The following NUP93 variants were observed in gnomAD, a reference collection of about 807,000 sequenced individuals.
NUP93 encodes nuclear pore complex protein Nup93.
In NUP93, 55 loss-of-function variants were observed where a neutral mutation model predicts 107.8. The observed-to-expected ratio is 0.51, with a 90% CI of 0.41 to 0.64. The LOEUF (loss-of-function observed/expected upper bound fraction) is 0.64. NUP93 is among the 30% of genes least tolerant of loss of function. NUP93 has a pLI of 0.00. For missense variants in NUP93, 937 were observed against 1,044.7 expected (o/e 0.90, Z 1.42); for synonymous variants, 390 against 397.5 (o/e 0.98, Z 0.22).
intron 1 of NUP93, among the ~76,000 whole-genome samples, chr16:56,732,850 A>G (rs1346127864): frequency 3.3e-5 from 5 of 152,244 alleles, no homozygotes; most frequent in Non-Finnish European, 5.9e-5. Context: ...GCCAGACTTA[A>G]TGCTGAGGAC....
chr16:56,774,903 G>GT (rs550311910), intron 3 of NUP93, among the ~76,000 whole-genome samples: 5,931 of 138,230 alleles, frequency 0.043, 149 homozygotes, highest in Admixed American at 0.093. Context: ...TTTTGTTTTT[G>GT]TTTTTTTTTT....
chr16:56,823,661 TC>T, intron 7 of NUP93, 45 bp from the exon 8 acceptor site: 1 of 1,604,224 alleles, frequency 6.2e-7, no homozygotes, highest in African/African-American at 1.3e-5. Context: ...CTAGATAATT[TC>T]TCTGGCCCTG....
chr16:56,849,740 TG>T lies in NUP93; in HGVS notation c.*5132del, dbSNP rs1221988811. ...TCTATGTGGCTGCCCTACCTGGGCT[TG>T]CCTCTGCTGGTACTAGCTGCCCAGA... On this transcript the variant is annotated 3_prime_UTR_variant, in exon 22 of 22. Transcript: ENST00000308159. 1 of 152,258 alleles carries T rather than the reference TG, an allele frequency of 6.6e-6. No individual in the cohort carries two copies. Among genetic ancestry groups the T allele is most frequent in the Non-Finnish European group, 1.5e-5 (1 of 68,052 alleles). 9.4% of individuals were successfully genotyped at this position (152,258 alleles called of 1,614,324 possible). A position where few individuals can be genotyped will look rare whatever the true frequency, so the allele number is the denominator to read the frequency against.
At chr16:56,754,872 TAC>T (rs1322483606) in intron 2 of NUP93, among the ~76,000 whole-genome samples, 1 of 152,240 alleles carries the variant, frequency 6.6e-6, no homozygotes, top group Non-Finnish European at 1.5e-5. Flanking sequence ...GACATTTCTC[TAC>T]ATTCTCTGGT....
At chr16:56,815,203 A>G (rs1198182075) in intron 5 of NUP93, among the ~76,000 whole-genome samples, 1 of 152,192 alleles carries the variant, frequency 6.6e-6, no homozygotes, top group Admixed American at 6.5e-5. Context: ...GTCCTTGCAA[A>G]AATGCTTTAG....
At chr16:56,749,037 A>C (rs1394999307) in intron 2 of NUP93, among the ~76,000 whole-genome samples, 1 of 152,108 alleles carries the variant, frequency 6.6e-6, no homozygotes, top group Non-Finnish European at 1.5e-5. Flanking sequence ...TGACTGACTG[A>C]GCTGGCAGCC....
At chr16:56,790,705 CA>C in intron 3 of NUP93, among the ~76,000 whole-genome samples, 1 of 152,286 alleles carries the variant, frequency 6.6e-6, no homozygotes, top group African/African-American at 2.4e-5. Flanking sequence ...TGAGCTGAAG[CA>C]AAGTAATGGT....
intron 6 of NUP93, 117 bp from the exon 7 acceptor site, chr16:56,821,387 C>T: frequency 1.5e-6 from 1 of 659,930 alleles, no homozygotes; most frequent in Admixed American, 2.3e-5. Context: ...GATGGCTCAG[C>T]CACTCCGAGG....
At chr16:56,772,852 G>A (rs1478046525) in intron 3 of NUP93, among the ~76,000 whole-genome samples, 1 of 152,178 alleles carries the variant, frequency 6.6e-6, no homozygotes, top group Admixed American at 6.5e-5. Context: ...GGTATTGAGG[G>A]CCTGTAAGAG....
chr16:56,748,701 A>C (rs1180673738), intron 2 of NUP93, among the ~76,000 whole-genome samples: 1 of 152,112 alleles, frequency 6.6e-6, no homozygotes, highest in Non-Finnish European at 1.5e-5. Flanking sequence ...GTCATGCTGA[A>C]TCTGGTCACA....
chr16:56,753,103 T>A lies in NUP93; in HGVS notation c.179+4677T>A, dbSNP rs530410232. 7.9e-5 allele frequency among the ~76,000 whole-genome samples: 12 copies of A among 152,330 alleles called. No homozygotes were observed. In the East Asian group the frequency reaches 2.1e-3, roughly 27 times the overall value. ...TAAAACAAAACTCATTGATCGCCTTTGGAGAATACTAGAGAACCAACTCAT... is the reference window on the plus strand; with the variant it reads ...TAAAACAAAACTCATTGATCGCCTTAGGAGAATACTAGAGAACCAACTCAT... On this transcript the variant is annotated intron_variant, in intron 2 of 21. Coordinates refer to ENST00000308159, the MANE Select transcript of NUP93 (RefSeq NM_014669.5).
chr16:56,765,808 T>TG lies in NUP93; in HGVS notation c.297+7154dup, dbSNP rs1198413929. ...TAATGTCTTCACAGAGGCAGGCTAA[T>TG]GTGCCATCCTGTTTCATGTTTATAA... On this transcript the variant is annotated intron_variant, in intron 3 of 21. Coordinates refer to ENST00000308159, the MANE Select transcript of NUP93 (RefSeq NM_014669.5). Among the ~76,000 whole-genome samples, 6 of 152,216 alleles carry TG rather than the reference T, an allele frequency of 3.9e-5. No individual in the cohort carries two copies. The East Asian group carries it at 9.6e-4, about 24-fold the overall frequency.
At chr16:56,771,127 C>T (rs1272998475) in intron 3 of NUP93, among the ~76,000 whole-genome samples, 4 of 152,088 alleles carry the variant, frequency 2.6e-5, no homozygotes. Flanking sequence ...TGACTTTGTC[C>T]TAATTTGGAA....
chr16:56,752,882 A>G (rs1186480414), intron 2 of NUP93, among the ~76,000 whole-genome samples: 3 of 152,198 alleles, frequency 2.0e-5, no homozygotes, highest in African/African-American at 7.2e-5. Context: ...CAACAAGGGT[A>G]CCTAGACCAT....
intron 16 of NUP93, among the ~76,000 whole-genome samples, chr16:56,835,124 C>G (rs1053862251): frequency 1.3e-5 from 2 of 152,160 alleles, no homozygotes; most frequent in African/African-American, 2.4e-5. Flanking sequence ...ATTACTGCAC[C>G]CATTCTCCCA....
chr16:56,752,999 T>A (rs1961951475), intron 2 of NUP93, among the ~76,000 whole-genome samples: 1 of 152,196 alleles, frequency 6.6e-6, no homozygotes, highest in Admixed American at 6.5e-5. Context: ...AAGATGAGAT[T>A]ATTTGATCAT....
At chr16:56,764,019 G>C (rs1962176084) in intron 3 of NUP93, among the ~76,000 whole-genome samples, 1 of 152,154 alleles carries the variant, frequency 6.6e-6, no homozygotes, top group Non-Finnish European at 1.5e-5. Context: ...TCATATGTAA[G>C]ACTAAAGGTG....
At chr16:56,807,742 C>T (rs1364128616) in intron 5 of NUP93, among the ~76,000 whole-genome samples, 5 of 151,856 alleles carry the variant, frequency 3.3e-5, no homozygotes, top group African/African-American at 4.8e-5. Flanking sequence ...GGCAGTGTGG[C>T]CCGGGCGCGG....
At chr16:56,828,596 A>G (rs569352210) in intron 8 of NUP93, among the ~76,000 whole-genome samples, 4 of 152,380 alleles carry the variant, frequency 2.6e-5, no homozygotes, top group South Asian at 4.1e-4. Context: ...ATGTGCATTC[A>G]TTGAACTATT....
Sources: allele counts gnomAD v4.1 joint callset (sites outside exome capture counted in the v4.1 genomes callset), GRCh38; gene constraint gnomAD v4.1.1; transcripts MANE v1.5; gene names NCBI Gene and HGNC (gene_info 2026-07-23, HGNC 2026-07-21).